LY6G6F: variants seen among roughly 807,000 people sequenced by gnomAD.
LY6G6F encodes lymphocyte antigen 6 family member G6F.
LY6G6F carries 26 observed loss-of-function variants against 33.0 expected under a neutral mutation model. The observed-to-expected ratio is 0.79, with a 90% CI of 0.58 to 1.09. The LOEUF (loss-of-function observed/expected upper bound fraction) is 1.09. Ranked by LOEUF, LY6G6F falls within the 50% of genes least tolerant of loss-of-function variation. The pLI is 0.00. For synonymous variants in LY6G6F, 132 were observed against 148.1 expected, an observed-to-expected ratio of 0.89 and a Z score of 0.79; for missense variants, 317 against 372.0, an observed-to-expected ratio of 0.85 and a Z score of 1.22.
chr6:31,710,379 A>C lies in LY6G6F; in HGVS notation c.830A>C (p.Glu277Ala), dbSNP rs1485250173. 3 of 1,614,096 alleles carry C rather than the reference A, an allele frequency of 1.9e-6. No homozygotes were observed. Among genetic ancestry groups the C allele is most frequent in the Admixed American group, 1.7e-5 (1 of 60,000 alleles). Residue 277 changes from glutamate (E) to alanine (A), a missense_variant, in exon 5 of 6, where the codon GAA (glutamate) becomes GCA (alanine). By Grantham distance (107) the Glu-to-Ala change is moderately radical. Transcript: ENST00000375832. The surrounding 1 kb of genome is among the most constrained non-coding windows in gnomAD (Gnocchi z 4.7). ...RDASIPQFKP[E>A]IQVYENIHLA... ...GCCTCGATTCCTCAGTTCAAACCCG[A>C]AATCCAGGTCTATGAGAACATCCAT... is the stretch of plus-strand genomic sequence containing the variant.
rs999776163 is a variant in LY6G6F, at chr6:31,707,343, C to T, written c.53-115C>T. 3 of 880,466 alleles carry T rather than the reference C, an allele frequency of 3.4e-6. No homozygotes were observed. The highest frequency in any genetic ancestry group is 5.3e-6 in the Non-Finnish European group (3 of 571,404). 54.5% of individuals were successfully genotyped at this position (880,466 alleles called of 1,614,324 possible). On this transcript the variant is annotated intron_variant, in intron 1 of 5. Coordinates refer to ENST00000375832, the MANE Select transcript of LY6G6F (RefSeq NM_001003693.3). This position sits in a 1 kb window ranked among gnomAD's most constrained non-coding sequence, Gnocchi z 4.1. The stretch of plus-strand genomic sequence containing the variant: ...AGCTGTCACTTGAGAAATGTGGTCA[C>T]CAGCCAGGCCTGTGCTGGGGGACCC...
chr6:31,710,497 A>G lies in LY6G6F; in HGVS notation c.870-70A>G, dbSNP rs572321341. 4.9e-4 allele frequency: 797 copies of G among 1,613,562 alleles called. 6 individuals are homozygous for G. The South Asian group carries it at 5.8e-3, about 12-fold the overall frequency. ...AGAGGAAACACGGGTTGGGTTGGGG[A>G]TGGGCCCTCGTTCCTGAGGATGTGA... On this transcript the variant is annotated intron_variant, in intron 5 of 5. Coordinates refer to ENST00000375832, the MANE Select transcript of LY6G6F (RefSeq NM_001003693.3). The surrounding 1 kb of genome is among the most constrained non-coding windows in gnomAD (Gnocchi z 4.7).
intron 3 of LY6G6F, among the ~76,000 whole-genome samples, chr6:31,708,877 G>A (rs959186693): frequency 2.6e-5 from 4 of 151,936 alleles, no homozygotes; most frequent in African/African-American, 9.7e-5. Context: ...AGTGAGCCAA[G>A]ATCACGCCAT....
chr6:31,708,611 T>A (rs1805793173), intron 3 of LY6G6F, among the ~76,000 whole-genome samples: 1 of 151,054 alleles, frequency 6.6e-6, no homozygotes, highest in South Asian at 2.1e-4. Flanking sequence ...ATTCTCTACT[T>A]TTTATTTTAT....
At chr6:31,709,267 TG>T (rs1217919703) in intron 3 of LY6G6F, among the ~76,000 whole-genome samples, 2 of 107,346 alleles carry the variant, frequency 1.9e-5, no homozygotes, top group African/African-American at 6.2e-5. Context: ...TGTTTTTTTT[TG>T]TTTTTTTTTT....
At position 31,707,993 on chromosome 6, in the gene LY6G6F, C is replaced by A. The variant is rs574548037; in HGVS notation, c.505C>A (p.Arg169Ser). The change falls in exon 3 of 6, where the codon CGT (arginine) becomes AGT (serine). Residue 169 changes from arginine to serine, a missense_variant. Coordinates refer to ENST00000375832, the MANE Select transcript of LY6G6F (RefSeq NM_001003693.3). The surrounding 1 kb of genome is among the most constrained non-coding windows in gnomAD (Gnocchi z 4.1). Reference protein sequence around the residue: ...WQEGKGPVRGRVQSFWGSEAA... With the variant: ...WQEGKGPVRGSVQSFWGSEAA... Reference sequence around the variant, plus strand: ...GGAAGGGAAGGGTCCCGTGAGGGGCCGTGTTCAGTCCTTCTGGGGCAGTGA... The same window carrying A: ...GGAAGGGAAGGGTCCCGTGAGGGGCAGTGTTCAGTCCTTCTGGGGCAGTGA... 5.6e-6 allele frequency: 9 copies of A among 1,613,068 alleles called. No individual in the cohort carries two copies. The highest frequency in any genetic ancestry group is 6.8e-6 in the Non-Finnish European group (8 of 1,180,018).
At position 31,710,482 on chromosome 6, in the gene LY6G6F, C is replaced by CGGGTT; in HGVS notation, c.869+73_870-72dup. ...GGGGACTGGGGATGGAGAGGAAACACGGGTTGGGTTGGGGATGGGCCCTCG... is the reference window on the plus strand; with the variant it reads ...GGGGACTGGGGATGGAGAGGAAACACGGGTTGGGTTGGGTTGGGGATGGGCCCTCG... On this transcript the variant is annotated intron_variant, in intron 5 of 5. Coordinates refer to ENST00000375832, the MANE Select transcript of LY6G6F (RefSeq NM_001003693.3). The surrounding 1 kb of genome is among the most constrained non-coding windows in gnomAD (Gnocchi z 4.7). The CGGGTT allele has an allele frequency of 6.2e-7, 1 of 1,613,310 alleles. No individual in the cohort carries two copies. The highest frequency in any genetic ancestry group is 8.5e-7 in the Non-Finnish European group (1 of 1,179,312).
chr6:31,709,830 C>T (rs954986486), intron 3 of LY6G6F, among the ~76,000 whole-genome samples, 196 bp from the exon 4 acceptor site: 3 of 152,214 alleles, frequency 2.0e-5, no homozygotes, highest in African/African-American at 7.2e-5. Flanking sequence ...TGTGCCTGGC[C>T]GCCATTCTCT....
Position 31,710,120 on chromosome 6 carries a change from T to C in LY6G6F, c.741T>C (p.Val247=). ...TGCTGCTCACAATGGGCCAGGGAGT[T>C]GTCATCCTGGCCCTCAGCATCGTGC... ...LMLLLTMGQG[V]VILALSIVLW... Residue 247 remains valine (V), a synonymous_variant, in exon 4 of 6, where the codon GTT becomes GTC. Coordinates refer to ENST00000375832, the MANE Select transcript of LY6G6F (RefSeq NM_001003693.3). The surrounding 1 kb of genome is among the most constrained non-coding windows in gnomAD (Gnocchi z 4.7). 6.2e-7 allele frequency: 1 copy of C among 1,612,976 alleles called. No individual in the cohort carries two copies. Among genetic ancestry groups the C allele is most frequent in the South Asian group, 1.1e-5 (1 of 91,072 alleles).
rs1264171927 is a variant in LY6G6F at position 31,707,606 on chromosome 6, G to A, written c.201G>A (p.Val67=). ...CCACCCTGGTAGCCCAAGTCCAAGT[G>A]GGCAGGCCAGCCCCAGACCCTGGAA... ...SFTTLVAQVQ[V]GRPAPDPGKP... Residue 67 remains valine, a synonymous_variant, in exon 2 of 6, where the codon GTG becomes GTA. Transcript: ENST00000375832. This position sits in a 1 kb window ranked among gnomAD's most constrained non-coding sequence, Gnocchi z 4.1. The A allele has an allele frequency of 4.3e-6, 7 of 1,613,716 alleles. No individual in the cohort carries two copies. Among genetic ancestry groups the A allele is most frequent in the African/African-American group, 1.3e-5 (1 of 74,924 alleles).
chr6:31,710,510 C>T lies in LY6G6F; in HGVS notation c.870-57C>T, dbSNP rs958368830. On this transcript the variant is annotated intron_variant, in intron 5 of 5. Transcript: ENST00000375832. This position sits in a 1 kb window ranked among gnomAD's most constrained non-coding sequence, Gnocchi z 4.7. ...GTTGGGTTGGGGATGGGCCCTCGTT[C>T]CTGAGGATGTGAAAAGTAGAGGTAT... The T allele has an allele frequency of 1.2e-6, 2 of 1,613,686 alleles. No individual in the cohort carries two copies. Among genetic ancestry groups the T allele is most frequent in the Admixed American group, 3.3e-5 (2 of 59,994 alleles).
Position 31,707,724 on chromosome 6 carries a change from G to A in LY6G6F, c.319G>A (p.Ala107Thr), listed in dbSNP as rs9267547. 158,449 of 1,613,954 alleles carry A rather than the reference G, an allele frequency of 0.098. 9,508 individuals carry two copies. Among genetic ancestry groups the A allele is most frequent in the African/African-American group, 0.25 (18,770 of 74,966 alleles). ...KEEDAGRYWC[A>T]VLGQHHNYQN... ...GGAAGATGCCGGGCGGTACTGGTGC[G>A]CTGTGCTAGGTCAGCACCACAACTA... Residue 107 changes from alanine (A) to threonine (T), a missense_variant, in exon 2 of 6, where the codon GCT (alanine) becomes ACT (threonine). Transcript: ENST00000375832. This position sits in a 1 kb window ranked among gnomAD's most constrained non-coding sequence, Gnocchi z 4.1.
At position 31,708,092 on chromosome 6, in the gene LY6G6F, T is replaced by C. The variant is rs1407014156; in HGVS notation, c.604T>C (p.Cys202Arg). 6.2e-7 allele frequency: 1 copy of C among 1,600,842 alleles called. No individual in the cohort carries two copies. The highest frequency in any genetic ancestry group is 8.5e-7 in the Non-Finnish European group (1 of 1,173,558). ...GAGCCGAAGACCAAGAATCATCCGCTGCCTCATGACTCACAACAAAGGGGT... is the reference window on the plus strand; with the variant it reads ...GAGCCGAAGACCAAGAATCATCCGCCGCCTCATGACTCACAACAAAGGGGT... ...PRSRRPRIIR[C>R]LMTHNKGVSF... The change falls in exon 3 of 6, where the codon TGC becomes CGC. Residue 202 changes from cysteine to arginine, a missense_variant. Physicochemically the swap from Cys to Arg is radical, Grantham distance 180. Coordinates refer to ENST00000375832, the MANE Select transcript of LY6G6F (RefSeq NM_001003693.3).
rs1805909346 is a variant in LY6G6F, at chr6:31,710,023, C to T, written c.647-3C>T. ...CATCCCTCTGGTCTGGCCCTTACTA[C>T]AGCCTCCATCGATGCTTCTCCTGCC... On this transcript the variant is annotated splice_region_variant and splice_polypyrimidine_tract_variant and intron_variant, in intron 3 of 5. Transcript: ENST00000375832. The surrounding 1 kb of genome is among the most constrained non-coding windows in gnomAD (Gnocchi z 4.7). 1.2e-6 allele frequency: 2 copies of T among 1,610,948 alleles called. No homozygotes were observed. The highest frequency in any genetic ancestry group is 2.2e-5 in the East Asian group (1 of 44,876).
At position 31,707,506 on chromosome 6, in the gene LY6G6F, C is replaced by A. The variant is rs17200983; in HGVS notation, c.101C>A (p.Pro34Gln). The A allele has an allele frequency of 3.5e-3, 5,699 of 1,614,166 alleles. 101 individuals are homozygous for A. In the East Asian group the frequency reaches 0.04, roughly 11 times the overall value. ...YVALGEAVELPCPSPPTLHGD... is the reference protein window; with the variant it reads ...YVALGEAVELQCPSPPTLHGD... ...GCCTTGGGGGAGGCAGTAGAGCTGCCATGTCCCTCACCACCTACTCTACAT... is the reference window on the plus strand; with the variant it reads ...GCCTTGGGGGAGGCAGTAGAGCTGCAATGTCCCTCACCACCTACTCTACAT... Residue 34 changes from proline (P) to glutamine (Q), a missense_variant, in exon 2 of 6, where the codon CCA becomes CAA. Pro to Gln is a moderately conservative substitution (Grantham distance 76). Coordinates refer to ENST00000375832, the MANE Select transcript of LY6G6F (RefSeq NM_001003693.3). The surrounding 1 kb of genome is among the most constrained non-coding windows in gnomAD (Gnocchi z 4.1).
chr6:31,710,396 A>G lies in LY6G6F; in HGVS notation c.847A>G (p.Asn283Asp), dbSNP rs765869883. The G allele has an allele frequency of 2.5e-6, 4 of 1,614,026 alleles. No individual in the cohort carries two copies. The highest frequency in any genetic ancestry group is 3.4e-6 in the Non-Finnish European group (4 of 1,180,016). Reference protein sequence around the residue: ...QFKPEIQVYENIHLARLGPPA... With the variant: ...QFKPEIQVYEDIHLARLGPPA... ...CAAACCCGAAATCCAGGTCTATGAGAACATCCATTTGGCCCGTCTTGGGTG... is the reference window on the plus strand; with the variant it reads ...CAAACCCGAAATCCAGGTCTATGAGGACATCCATTTGGCCCGTCTTGGGTG... The change falls in exon 5 of 6, where the codon AAC becomes GAC. Residue 283 changes from asparagine (N) to aspartate (D), a missense_variant. Coordinates refer to ENST00000375832, the MANE Select transcript of LY6G6F (RefSeq NM_001003693.3). The surrounding 1 kb of genome is among the most constrained non-coding windows in gnomAD (Gnocchi z 4.7).
Position 31,707,483 on chromosome 6 carries a change from C to CT in LY6G6F, c.80dup (p.Leu27PhefsTer151). 6.2e-7 allele frequency: 1 copy of CT among 1,614,126 alleles called. No homozygotes were observed. The highest frequency in any genetic ancestry group is 8.5e-7 in the Non-Finnish European group (1 of 1,179,992). ...ACAACATGCAGGCCATCTATGTGGC[C>CT]TTGGGGGAGGCAGTAGAGCTGCCAT... On this transcript the variant is annotated frameshift_variant, in exon 2 of 6. Transcript: ENST00000375832. LOFTEE classifies it high-confidence loss of function. The surrounding 1 kb of genome is among the most constrained non-coding windows in gnomAD (Gnocchi z 4.1).
Position 31,710,214 on chromosome 6 carries a change from G to T in LY6G6F, c.802+33G>T. On this transcript the variant is annotated intron_variant, in intron 4 of 5. Coordinates refer to ENST00000375832, the MANE Select transcript of LY6G6F (RefSeq NM_001003693.3). This position sits in a 1 kb window ranked among gnomAD's most constrained non-coding sequence, Gnocchi z 4.7. ...CCTCCCTCCCCGGGGAAAGAAGAGG[G>T]CACATGGGTGGGAGGCAAAGGGCTA... The T allele has an allele frequency of 6.2e-7, 1 of 1,607,880 alleles. No homozygotes were observed. The highest frequency in any genetic ancestry group is 8.5e-7 in the Non-Finnish European group (1 of 1,176,356).
At chr6:31,709,384 C>G (rs183857550) in intron 3 of LY6G6F, among the ~76,000 whole-genome samples, 1 of 151,576 alleles carries the variant, frequency 6.6e-6, no homozygotes, top group Non-Finnish European at 1.5e-5. Context: ...CTCAGCCTCT[C>G]GAGTAGCTAG....
Sources: gnomAD v4.1 joint callset for allele counts (sites outside exome capture counted in the v4.1 genomes callset) on GRCh38, gnomAD v4.1.1 for gene constraint, Gnocchi (gnomAD v3.1) non-coding constraint, MANE v1.5 for transcripts, NCBI Gene and HGNC (gene_info 2026-07-23, HGNC 2026-07-21) for gene names.